Variants in ASIC2 observed in about 807,000 individuals in gnomAD.
The protein encoded by ASIC2 is acid sensing ion channel subunit 2.
ASIC2 carries 25 observed loss-of-function variants against 57.3 expected under a neutral mutation model. The ratio of observed to expected loss-of-function variants is 0.44; its 90% CI spans 0.32 to 0.61. ASIC2 has a LOEUF of 0.61. ASIC2 is among the 20% of genes least tolerant of loss of function. The pLI is 0.06. For missense variants in ASIC2, 641 were observed against 738.1 expected, an observed-to-expected ratio of 0.87 and a Z score of 1.52; for synonymous variants, 319 against 307.5, an observed-to-expected ratio of 1.04 and a Z score of -0.39.
At chr17:33,932,741 A>AAAATATCTAT (rs1555572867) in intron 1 of ASIC2, 12 of 58,716 alleles carry the variant, frequency 2.0e-4, no homozygotes, top group African/African-American at 8.1e-4. Flanking sequence ...AAAAAAAAAA[A>AAAATATCTAT]ATATATATAT....
intron 1 of ASIC2, among the ~76,000 whole-genome samples, chr17:34,137,961 C>T (rs1912169645): frequency 6.6e-6 from 1 of 152,002 alleles, no homozygotes; most frequent in Non-Finnish European, 1.5e-5. Flanking sequence ...AGTGGGGGAC[C>T]CAAACATTTA....
At position 33,961,581 on chromosome 17, in the gene ASIC2, ACTGTTT is replaced by A. The variant is rs67547921; in HGVS notation, c.555+194391_555+194396del. Among the ~76,000 whole-genome samples, 1,131 of 152,316 alleles carry A rather than the reference ACTGTTT, an allele frequency of 7.4e-3. 18 individuals are homozygous for A. Among genetic ancestry groups the A allele is most frequent in the African/African-American group, 0.026 (1,081 of 41,576 alleles). ...CACAGGGGCAGCCAAAGAGGTGTTT[ACTGTTT>A]GGATTTTCTCTCCAGAGCAGACTTG... On this transcript the variant is annotated intron_variant, in intron 1 of 9. Transcript: ENST00000359872.
At chr17:33,404,997 ATT>A (rs759387273) in intron 1 of ASIC2, among the ~76,000 whole-genome samples, 4 of 142,400 alleles carry the variant, frequency 2.8e-5, no homozygotes, top group African/African-American at 1.0e-4. Flanking sequence ...CAGGTGGCTT[ATT>A]TTTTTTTTTT....
chr17:33,412,924 C>A (rs1008582276), intron 1 of ASIC2, among the ~76,000 whole-genome samples: 1 of 152,132 alleles, frequency 6.6e-6, no homozygotes, highest in Non-Finnish European at 1.5e-5. Context: ...ATGAGAAGAG[C>A]GTGCAAGGAA....
At chr17:34,003,259 C>G (rs1906407236) in intron 1 of ASIC2, 1 of 152,180 alleles carries the variant, frequency 6.6e-6, no homozygotes, top group African/African-American at 2.4e-5. Flanking sequence ...GACTTAACCT[C>G]TTTGACCTCA....
chr17:33,035,939 C>A (rs2091907123), intron 3 of ASIC2, among the ~76,000 whole-genome samples: 2 of 152,172 alleles, frequency 1.3e-5, no homozygotes, highest in African/African-American at 4.8e-5. Flanking sequence ...TTAATGCCTG[C>A]TGATTTGTGG....
intron 1 of ASIC2, among the ~76,000 whole-genome samples, chr17:33,235,085 C>T (rs1188858504): frequency 6.6e-6 from 1 of 152,212 alleles, no homozygotes; most frequent in Admixed American, 6.5e-5. Context: ...TGCCTATAGC[C>T]CTCTGTTCTG....
At chr17:33,289,021 G>A (rs1905308257) in intron 1 of ASIC2, among the ~76,000 whole-genome samples, 1 of 152,134 alleles carries the variant, frequency 6.6e-6, no homozygotes, top group Non-Finnish European at 1.5e-5. Flanking sequence ...GGGGCTCCCT[G>A]AAATAGCTTC....
intron 1 of ASIC2, among the ~76,000 whole-genome samples, chr17:33,438,093 C>A (rs1051408012): frequency 1.3e-5 from 2 of 152,090 alleles, no homozygotes; most frequent in Non-Finnish European, 2.9e-5. Flanking sequence ...ATGTCATGAG[C>A]AATGTATATT....
intron 1 of ASIC2, among the ~76,000 whole-genome samples, chr17:34,127,480 T>C (rs116568025): frequency 6.6e-6 from 1 of 152,262 alleles, no homozygotes. Flanking sequence ...TTCAATTTAG[T>C]TGTGGATGCA....
intron 1 of ASIC2, among the ~76,000 whole-genome samples, chr17:33,825,850 T>C (rs2141896381): frequency 6.6e-6 from 1 of 152,350 alleles, no homozygotes; most frequent in African/African-American, 2.4e-5. Context: ...TGTAGTATAG[T>C]TCTTAAATAA....
intron 3 of ASIC2, among the ~76,000 whole-genome samples, chr17:33,054,945 G>A (rs988148030): frequency 2.6e-5 from 4 of 152,174 alleles, no homozygotes; most frequent in African/African-American, 9.7e-5. Context: ...GCAGGTTCAA[G>A]GAGCTCCATC....
chr17:33,848,667 C>T (rs1913680411), intron 1 of ASIC2, among the ~76,000 whole-genome samples: 1 of 152,126 alleles, frequency 6.6e-6, no homozygotes, highest in Non-Finnish European at 1.5e-5. Flanking sequence ...ATTCCTAATT[C>T]CCTGCTCCCC....
intron 2 of ASIC2, among the ~76,000 whole-genome samples, chr17:33,095,762 G>A (rs2092176352): frequency 1.3e-5 from 2 of 152,200 alleles, no homozygotes; most frequent in Admixed American, 6.6e-5. Context: ...ATCCCCTGAA[G>A]GGCCGTGGTT....
In ASIC2 at chr17:33,206,233, C is replaced by T. The variant is rs1013699801; in HGVS notation, c.708+85175G>A. ...GGTATCATATTGCCTCATAAATCCT[C>T]GGGACCCATTTGGTGATGAGGTCGA... On this transcript the variant is annotated intron_variant, in intron 1 of 9. Transcript: ENST00000225823. Among the ~76,000 whole-genome samples the T allele has an allele frequency of 4.6e-5, 7 of 152,254 alleles. No individual in the cohort carries two copies. In the East Asian group the frequency reaches 7.7e-4, roughly 17 times the overall value.
chr17:33,023,954 C>T lies in ASIC2; in HGVS notation c.1256G>A (p.Arg419His), dbSNP rs748987602. 3.1e-6 allele frequency: 5 copies of T among 1,614,028 alleles called. No homozygotes were observed. Among genetic ancestry groups the T allele is most frequent in the African/African-American group, 1.3e-5 (1 of 74,912 alleles). The change falls in exon 6 of 10, where the codon CGC becomes CAC. Residue 419 changes from arginine to histidine, a missense_variant. This residue lies in a region of ASIC2 where 252 missense variants were observed against 319.8 expected (regional missense o/e 0.79). Coordinates refer to ENST00000225823, the MANE Select transcript of ASIC2 (RefSeq NM_183377.2). ...CACCATGGAGAGCTCTTTGTTGTAG[C>T]GGGTTAGGTTGCAGGGTGTCCTGCA... Reference protein sequence around the residue: ...CLCRTPCNLTRYNKELSMVKI... With the variant: ...CLCRTPCNLTHYNKELSMVKI...
In ASIC2 at chr17:34,091,244, A is replaced by T. The variant is rs370738216; in HGVS notation, c.555+64734T>A. On this transcript the variant is annotated intron_variant, in intron 1 of 9. Coordinates refer to the ASIC2 transcript ENST00000359872. The stretch of plus-strand genomic sequence containing the variant: ...TCTTTGTGCTCCAGTTTGTCTTTTC[A>T]CATAATCCAATTGTCTGGAACTTCT... Among the ~76,000 whole-genome samples, 3 of 152,260 alleles carry T rather than the reference A, an allele frequency of 2.0e-5. No individual in the cohort carries two copies. The East Asian group carries it at 5.8e-4, about 29-fold the overall frequency.
intron 1 of ASIC2, among the ~76,000 whole-genome samples, chr17:33,621,365 A>G (rs572713711): frequency 8.1e-4 from 124 of 152,356 alleles, no homozygotes; most frequent in African/African-American, 2.9e-3. Context: ...TAAAGAAACA[A>G]TACTGCAAAT....
At chr17:33,300,554 T>C (rs115676753) in intron 1 of ASIC2, among the ~76,000 whole-genome samples, 1,962 of 152,342 alleles carry the variant, frequency 0.013, 39 homozygotes, top group African/African-American at 0.045. Flanking sequence ...CAGCAGGTTA[T>C]GCAGATATTT....
Sources: allele counts gnomAD v4.1 joint callset (sites outside exome capture counted in the v4.1 genomes callset), GRCh38; gene constraint gnomAD v4.1.1; regional missense constraint gnomAD v4.1.1; transcripts MANE v1.5; gene names NCBI Gene and HGNC (gene_info 2026-07-23, HGNC 2026-07-21).